Variants in COL19A1 observed in about 807,000 individuals in gnomAD.
The protein encoded by COL19A1 is collagen type XIX alpha 1 chain.
COL19A1 carries 159 observed loss-of-function variants against 190.2 expected under a neutral mutation model. That is an observed-to-expected ratio of 0.84 (90% confidence interval 0.73 to 0.95). The LOEUF (loss-of-function observed/expected upper bound fraction) is 0.95, where lower values mean the gene tolerates loss of function less well. Among genes scored for constraint, COL19A1 ranks in the 40% least tolerant of loss-of-function variants. COL19A1 has a pLI of 0.00. For synonymous variants in COL19A1, 509 were observed against 458.9 expected (o/e 1.11, Z -1.39); for missense variants, 1,418 against 1,431.9 (o/e 0.99, Z 0.16).
intron 18 of COL19A1, among the ~76,000 whole-genome samples, chr6:70,132,476 T>C (rs1016708554): frequency 2.0e-5 from 3 of 152,186 alleles, no homozygotes; most frequent in Non-Finnish European, 4.4e-5. Flanking sequence ...GTAAGTCTAC[T>C]TAGTATCTCT....
At chr6:69,885,180 G>T (rs943771864) in intron 2 of COL19A1, among the ~76,000 whole-genome samples, 1 of 152,062 alleles carries the variant, frequency 6.6e-6, no homozygotes, top group Non-Finnish European at 1.5e-5. Flanking sequence ...GCTCTTTTCA[G>T]TACCCCCCAC....
At chr6:70,097,513 G>C (rs1783352247) in intron 15 of COL19A1, among the ~76,000 whole-genome samples, 1 of 141,228 alleles carries the variant, frequency 7.1e-6, no homozygotes, top group South Asian at 2.2e-4. Context: ...CATGGATCCT[G>C]TCTCAAAAAA....
intron 16 of COL19A1, among the ~76,000 whole-genome samples, chr6:70,119,977 G>A (rs1231751180): frequency 6.6e-6 from 1 of 152,132 alleles, no homozygotes. Context: ...TGTAGTCCCA[G>A]CTACTCAGGA....
chr6:70,199,778 C>G, intron 49 of COL19A1, 42 bp downstream of exon 49: 1 of 1,549,972 alleles, frequency 6.5e-7, no homozygotes, highest in Non-Finnish European at 8.7e-7. Flanking sequence ...ATTTTTAACT[C>G]TCTGTATTTA....
At position 70,070,276 on chromosome 6, in the gene COL19A1, TG is replaced by T. The variant is rs146485151; in HGVS notation, c.1224+1801del. Among the ~76,000 whole-genome samples, 116 of 152,280 alleles carry T rather than the reference TG, an allele frequency of 7.6e-4. 1 individual carries two copies. The East Asian group carries it at 0.021, about 27-fold the overall frequency. On this transcript the variant is annotated intron_variant, in intron 15 of 50. Transcript: ENST00000620364. ...AGTAGATTAAAGAATAAATTAAACA[TG>T]TATTTTCCATGATAATAAAGAAGGA...
intron 23 of COL19A1, 38 bp from the exon 24 acceptor site, chr6:70,144,172 T>A: frequency 6.4e-7 from 1 of 1,551,586 alleles, no homozygotes; most frequent in Non-Finnish European, 8.9e-7. Context: ...GTAAGAGATG[T>A]TCTCATTACT....
chr6:70,030,904 G>A (rs1779026251), intron 12 of COL19A1, among the ~76,000 whole-genome samples: 2 of 152,086 alleles, frequency 1.3e-5, no homozygotes, highest in Non-Finnish European at 2.9e-5. Flanking sequence ...CTCTTTCCTG[G>A]AAAAGCTGTC....
intron 11 of COL19A1, among the ~76,000 whole-genome samples, chr6:69,980,868 C>G (rs1381873082): frequency 3.3e-5 from 5 of 152,208 alleles, no homozygotes; most frequent in African/African-American, 7.2e-5. Context: ...GATTCAAGGA[C>G]AAAGGCATTC....
At chr6:69,890,210 A>C (rs1446514642) in intron 2 of COL19A1, 1 of 152,162 alleles carries the variant, frequency 6.6e-6, no homozygotes, top group Non-Finnish European at 1.5e-5. Context: ...AGTCACTCCC[A>C]AATGTACTTC....
At chr6:69,960,399 C>T (rs913182225) in intron 10 of COL19A1, among the ~76,000 whole-genome samples, 1 of 152,130 alleles carries the variant, frequency 6.6e-6, no homozygotes, top group Non-Finnish European at 1.5e-5. Context: ...TTACCTCTTG[C>T]TTATCTTCTT....
At chr6:69,975,779 A>G (rs538472041) in intron 11 of COL19A1, among the ~76,000 whole-genome samples, 27 of 152,288 alleles carry the variant, frequency 1.8e-4, no homozygotes, top group African/African-American at 5.5e-4. Flanking sequence ...CATGACCAGA[A>G]CACAGCACTG....
In COL19A1 at chr6:70,085,296, C is replaced by G. The variant is rs974758124; in HGVS notation, c.1224+16820C>G. On this transcript the variant is annotated intron_variant, in intron 15 of 50. Transcript: ENST00000620364. ...AATCCAGCCTGTGCCCTGCTAACTA[C>G]TAACACTGTACCTCAGTGTAGAGCT... Among the ~76,000 whole-genome samples the G allele has an allele frequency of 5.9e-5, 9 of 152,162 alleles. No individual in the cohort carries two copies. In the East Asian group the frequency reaches 1.3e-3, roughly 23 times the overall value.
At chr6:70,066,596 A>G (rs1189878147) in intron 14 of COL19A1, among the ~76,000 whole-genome samples, 1 of 152,018 alleles carries the variant, frequency 6.6e-6, no homozygotes, top group Admixed American at 6.6e-5. Context: ...TTAAAGTATA[A>G]TAAAACTATA....
intron 46 of COL19A1, among the ~76,000 whole-genome samples, chr6:70,187,428 AG>A (rs1766599644): frequency 7.6e-6 from 1 of 131,522 alleles, no homozygotes; most frequent in African/African-American, 2.7e-5. Context: ...AGGGGTGGGG[AG>A]AGCACATGAT....
chr6:69,949,743 TC>T (rs1439540266), intron 9 of COL19A1, among the ~76,000 whole-genome samples: 1 of 151,886 alleles, frequency 6.6e-6, no homozygotes, highest in Non-Finnish European at 1.5e-5. Context: ...TTATCCAGCA[TC>T]CCCTTAACTT....
intron 16 of COL19A1, among the ~76,000 whole-genome samples, chr6:70,103,073 A>G (rs1158698085): frequency 6.6e-6 from 1 of 152,134 alleles, no homozygotes; most frequent in Admixed American, 6.5e-5. Flanking sequence ...CAACCCAGAC[A>G]TTGTTGCTGA....
chr6:70,174,243 G>T (rs1309059676), intron 41 of COL19A1, among the ~76,000 whole-genome samples: 1 of 152,198 alleles, frequency 6.6e-6, no homozygotes, highest in Non-Finnish European at 1.5e-5. Flanking sequence ...GAGGTTCATG[G>T]TCATGAACTG....
chr6:70,115,419 C>T (rs556365857), intron 16 of COL19A1, among the ~76,000 whole-genome samples: 2 of 152,128 alleles, frequency 1.3e-5, no homozygotes, highest in South Asian at 2.1e-4. Flanking sequence ...ACCCTACCAC[C>T]CAAGAAAATA....
At chr6:69,997,176 C>T (rs1253634323) in intron 11 of COL19A1, among the ~76,000 whole-genome samples, 1 of 152,034 alleles carries the variant, frequency 6.6e-6, no homozygotes, top group Non-Finnish European at 1.5e-5. Context: ...TGAGAAAGGA[C>T]TGCAACATTG....
Sources: gnomAD v4.1 joint callset for allele counts (sites outside exome capture counted in the v4.1 genomes callset) on GRCh38, gnomAD v4.1.1 for gene constraint, MANE v1.5 for transcripts, NCBI Gene and HGNC (gene_info 2026-07-23, HGNC 2026-07-21) for gene names.